The following SEMA7A variants were observed in gnomAD, a reference collection of about 807,000 sequenced individuals.
SEMA7A encodes the protein semaphorin 7A (JohnMiltonHagen blood group).
SEMA7A carries 21 observed loss-of-function variants against 67.5 expected under a neutral mutation model. The ratio of observed to expected loss-of-function variants is 0.31; its 90% CI spans 0.22 to 0.45. SEMA7A has a LOEUF of 0.45. Ranked by LOEUF, SEMA7A falls within the 20% of genes least tolerant of loss-of-function variation. The pLI, the probability that SEMA7A is intolerant of heterozygous loss-of-function variation, is 1.00. For synonymous variants in SEMA7A, 364 were observed against 368.5 expected (o/e 0.99, Z 0.14); for missense variants, 774 against 908.6 (o/e 0.85, Z 1.90).
chr15:74,426,498 TCTTAAA>T (rs2061044730), intron 1 of SEMA7A, among the ~76,000 whole-genome samples: 1 of 152,142 alleles, frequency 6.6e-6, no homozygotes, highest in African/African-American at 2.4e-5. Context: ...GTGCTCTCCA[TCTTAAA>T]GATCCTAAGT....
chr15:74,430,293 G>A lies in SEMA7A; in HGVS notation c.178+3448C>T, dbSNP rs143417644. ...TTCCCAGGTTTCAATTTCTCCTCCA[G>A]ATTTCTCGAAATCTAAGATTTAAAC... On this transcript the variant is annotated intron_variant, in intron 1 of 13. Transcript: ENST00000261918. Among the ~76,000 whole-genome samples, 992 of 152,226 alleles carry A rather than the reference G, an allele frequency of 6.5e-3. 4 individuals carry two copies. The highest frequency in any genetic ancestry group is 0.023 in the African/African-American group (952 of 41,530).
At chr15:74,427,448 C>G in intron 1 of SEMA7A, 1 of 931,908 alleles carries the variant, frequency 1.1e-6, no homozygotes, top group South Asian at 4.9e-5. Context: ...CCTGCCTCAG[C>G]CTCCCAAGTA....
In SEMA7A at chr15:74,414,491, C is replaced by T; in HGVS notation, c.1294+56G>A. The T allele has an allele frequency of 6.6e-7, 1 of 1,510,912 alleles. No homozygotes were observed. The highest frequency in any genetic ancestry group is 1.1e-5 in the South Asian group (1 of 87,492). The allele number at this position is 1,510,912 out of a possible 1,614,324, so 93.6% of individuals were successfully genotyped here. A position where few individuals can be genotyped will look rare whatever the true frequency, so the allele number is the denominator to read the frequency against. On this transcript the variant is annotated intron_variant, in intron 10 of 13. Transcript: ENST00000261918. This position sits in a 1 kb window ranked among gnomAD's most constrained non-coding sequence, Gnocchi z 4.1. ...CAGATGTTAACTACATTATTCCTTA[C>T]ACCTTTCATGCCCGTTTTTACAAAG...
In SEMA7A at chr15:74,418,908, G is replaced by A. The variant is rs1385902750; in HGVS notation, c.223C>T (p.His75Tyr). The change falls in exon 2 of 14, where the codon CAC becomes TAC. Residue 75 changes from histidine (H) to tyrosine (Y), a missense_variant. Physicochemically the swap from His to Tyr is moderately conservative, Grantham distance 83. Transcript: ENST00000261918. ...CCTGGCTCGTGGAAAAGCACCGTGT[G>A]CGGCTCAGTCTGGCCAAAGTCCACC... ...DRVDFGQTEP[H>Y]TVLFHEPGSS... is the part of the protein sequence containing the mutation. 1 of 1,613,846 alleles carries A rather than the reference G, an allele frequency of 6.2e-7. No homozygotes were observed. Among genetic ancestry groups the A allele is most frequent in the Admixed American group, 1.7e-5 (1 of 60,034 alleles).
At chr15:74,420,208 A>T (rs1288206991) in intron 1 of SEMA7A, among the ~76,000 whole-genome samples, 1 of 152,186 alleles carries the variant, frequency 6.6e-6, no homozygotes, top group Admixed American at 6.5e-5. Flanking sequence ...AGGGGCAAGG[A>T]GCAGCTGGAC....
chr15:74,423,837 G>A lies in SEMA7A; in HGVS notation c.179-4885C>T, dbSNP rs2061020567. 1.3e-5 allele frequency among the ~76,000 whole-genome samples: 2 copies of A among 152,208 alleles called. No homozygotes were observed. Among genetic ancestry groups the A allele is most frequent in the Admixed American group, 1.3e-4 (2 of 15,286 alleles). ...CTCCTGATATGGCCAGGAAGAGGGT[G>A]TGAGAAGCCTGGTTTCCAGGGTGGC... On this transcript the variant is annotated intron_variant, in intron 1 of 13. Transcript: ENST00000261918. This position sits in a 1 kb window ranked among gnomAD's most constrained non-coding sequence, Gnocchi z 4.1.
intron 7 of SEMA7A, 120 bp from the exon 8 acceptor site, chr15:74,416,105 G>A (rs1487434316): frequency 9.2e-7 from 1 of 1,083,500 alleles, no homozygotes; most frequent in Non-Finnish European, 1.3e-6. Context: ...CAGGCTGTGA[G>A]GGGCCAGGAC....
chr15:74,433,721 G>C lies in SEMA7A; in HGVS notation c.178+20C>G, dbSNP rs144642175. On this transcript the variant is annotated intron_variant, in intron 1 of 13. Transcript: ENST00000261918. ...GCAGCGTCTGATCCCGCGCCTGACCGGCCGCGCGGCGCCGCCTACCTTTCC... is the reference window on the plus strand; with the variant it reads ...GCAGCGTCTGATCCCGCGCCTGACCCGCCGCGCGGCGCCGCCTACCTTTCC... The C allele has an allele frequency of 3.3e-4, 462 of 1,420,248 alleles. 3 individuals carry two copies. Among genetic ancestry groups the C allele is most frequent in the Non-Finnish European group, 7.0e-5 (77 of 1,094,132 alleles). 88.0% of individuals were successfully genotyped at this position (1,420,248 alleles called of 1,614,324 possible).
intron 1 of SEMA7A, among the ~76,000 whole-genome samples, chr15:74,426,950 G>A (rs1465937599): frequency 2.0e-5 from 3 of 152,074 alleles, no homozygotes; most frequent in African/African-American, 7.2e-5. Context: ...CTCAGGGCAG[G>A]GCAGTCAAGG....
intron 1 of SEMA7A, among the ~76,000 whole-genome samples, chr15:74,427,567 C>G (rs376957456): frequency 6.6e-4 from 101 of 152,234 alleles, no homozygotes; most frequent in African/African-American, 2.3e-3. Context: ...CTGACCTCAA[C>G]TGATCTGCCT....
At chr15:74,417,713 C>T (rs774564314) in intron 4 of SEMA7A, 38 bp from the exon 5 acceptor site, 1 of 1,578,840 alleles carries the variant, frequency 6.3e-7, no homozygotes, top group South Asian at 1.1e-5. Flanking sequence ...CCACATAATC[C>T]CACAGCCACT....
At chr15:74,429,269 C>G (rs193010215) in intron 1 of SEMA7A, among the ~76,000 whole-genome samples, 39 of 152,326 alleles carry the variant, frequency 2.6e-4, no homozygotes, top group Non-Finnish European at 4.7e-4. Context: ...CCCATCTACT[C>G]CAGCTACTGC....
At chr15:74,428,997 C>A (rs2061065080) in intron 1 of SEMA7A, among the ~76,000 whole-genome samples, 3 of 152,214 alleles carry the variant, frequency 2.0e-5, no homozygotes, top group Admixed American at 1.3e-4. Context: ...GACAGGACAG[C>A]TGGCCATACA....
Position 74,418,945 on chromosome 15 carries a change from T to C in SEMA7A, c.186A>G (p.Val62=). The part of the protein sequence containing the change: ...PRIFAVWKGH[V]GQDRVDFGQT... ...GGCCAAAGTCCACCCGGTCCTGCCC[T>C]ACATGGCCTGAGGAGGAGACAATTA... The change falls in exon 2 of 14, where the codon GTA becomes GTG. Residue 62 remains valine (V), a synonymous_variant. Coordinates refer to ENST00000261918, the MANE Select transcript of SEMA7A (RefSeq NM_003612.5). 1 of 1,613,242 alleles carries C rather than the reference T, an allele frequency of 6.2e-7. No homozygotes were observed. The highest frequency in any genetic ancestry group is 8.5e-7 in the Non-Finnish European group (1 of 1,179,940).
chr15:74,419,414 G>A (rs1275647212), intron 1 of SEMA7A, among the ~76,000 whole-genome samples: 1 of 152,168 alleles, frequency 6.6e-6, no homozygotes, highest in Non-Finnish European at 1.5e-5. Context: ...AGGCAGCAGG[G>A]CCTTCAAGCA....
Position 74,410,766 on chromosome 15 carries a change from T to C in SEMA7A, c.1859A>G (p.Tyr620Cys). 6.2e-7 allele frequency: 1 copy of C among 1,614,070 alleles called. No homozygotes were observed. The highest frequency in any genetic ancestry group is 2.2e-5 in the East Asian group (1 of 44,884). ...CTGCCAGTGCTGAGCCTCGCGGAAG[T>C]AGGAGCCCTCCTGGGCCTCGCAGAA... ...HYFCEAQEGS[Y>C]FREAQHWQLL... The change falls in exon 14 of 14, where the codon TAC (tyrosine) becomes TGC (cysteine). Residue 620 changes from tyrosine to cysteine, a missense_variant. By Grantham distance (194) the Tyr-to-Cys change is radical. Around this residue, in one of 2 missense-constraint regions of SEMA7A, gnomAD observed 427 missense variants for 555.4 expected, o/e 0.77. Coordinates refer to ENST00000261918, the MANE Select transcript of SEMA7A (RefSeq NM_003612.5). The surrounding 1 kb of genome is among the most constrained non-coding windows in gnomAD (Gnocchi z 7.5).
intron 1 of SEMA7A, among the ~76,000 whole-genome samples, chr15:74,433,137 C>T (rs901467901): frequency 6.6e-6 from 1 of 152,098 alleles, no homozygotes; most frequent in African/African-American, 2.4e-5. Flanking sequence ...CCCTGGTACC[C>T]CAAGCCGCCG....
In SEMA7A at chr15:74,412,021, G is replaced by A. The variant is rs753386386; in HGVS notation, c.1295-9C>T. The stretch of plus-strand genomic sequence containing the variant: ...GTGGATAGTGCCCCTGTCTGTGTAT[G>A]GTGGACAGAGGGTCAGTGGGCGGGA... On this transcript the variant is annotated splice_polypyrimidine_tract_variant and intron_variant, in intron 10 of 13. Coordinates refer to ENST00000261918, the MANE Select transcript of SEMA7A (RefSeq NM_003612.5). 1.9e-6 allele frequency: 3 copies of A among 1,613,496 alleles called. No homozygotes were observed. The highest frequency in any genetic ancestry group is 3.3e-5 in the Admixed American group (2 of 59,998).
intron 1 of SEMA7A, among the ~76,000 whole-genome samples, chr15:74,432,706 GA>G (rs2061098929): frequency 6.6e-6 from 1 of 152,024 alleles, no homozygotes; most frequent in Admixed American, 6.6e-5. Flanking sequence ...GGCCAGACCC[GA>G]CCAGTTCCCC....
Sources: allele counts gnomAD v4.1 joint callset (sites outside exome capture counted in the v4.1 genomes callset), GRCh38; gene constraint gnomAD v4.1.1; regional missense constraint gnomAD v4.1.1; non-coding constraint Gnocchi (gnomAD v3.1); transcripts MANE v1.5; gene names NCBI Gene and HGNC (gene_info 2026-07-23, HGNC 2026-07-21).